The following RBFOX1 variants were observed in gnomAD, a reference collection of about 807,000 sequenced individuals.
RBFOX1 encodes RNA binding fox-1 homolog 1.
Under a neutral mutation model 57.7 loss-of-function variants are expected in RBFOX1, and 8 were observed. That is an observed-to-expected ratio of 0.14 (90% confidence interval 0.08 to 0.25). The LOEUF (loss-of-function observed/expected upper bound fraction) is 0.25, where lower values mean the gene tolerates loss of function less well. RBFOX1 is among the 10% of genes least tolerant of loss of function. The pLI is 1.00. For missense variants in RBFOX1, 611 were observed against 548.5 expected (o/e 1.11, Z -1.14); for synonymous variants, 326 against 222.4 (o/e 1.47, Z -4.15).
intron 2 of RBFOX1, among the ~76,000 whole-genome samples, chr16:5,551,497 T>C (rs1044722681): frequency 6.6e-6 from 1 of 152,132 alleles, no homozygotes; most frequent in Non-Finnish European, 1.5e-5. Context: ...CTTAGGTTAT[T>C]TAGGAATAGA....
chr16:7,103,265 A>T (rs1019240166), intron 4 of RBFOX1, among the ~76,000 whole-genome samples: 1 of 152,158 alleles, frequency 6.6e-6, no homozygotes, highest in African/African-American at 2.4e-5. Context: ...CCAGAACTTT[A>T]ACTGTTTTGA....
intron 3 of RBFOX1, among the ~76,000 whole-genome samples, chr16:6,872,028 T>C (rs1418216813): frequency 2.0e-5 from 3 of 151,016 alleles, no homozygotes; most frequent in Non-Finnish European, 2.9e-5. Flanking sequence ...TTCATTATGA[T>C]TGTGTGTAGG....
chr16:7,260,453 G>A (rs944407705), intron 4 of RBFOX1, among the ~76,000 whole-genome samples: 3 of 152,046 alleles, frequency 2.0e-5, no homozygotes, highest in African/African-American at 7.3e-5. Context: ...TTTGTTCTGG[G>A]TGCTAAGGCA....
chr16:5,445,742 T>C (rs988825135), intron 1 of RBFOX1, among the ~76,000 whole-genome samples: 2 of 152,360 alleles, frequency 1.3e-5, no homozygotes, highest in Non-Finnish European at 2.9e-5. Flanking sequence ...TTCATTTAAC[T>C]CAGCTAATTT....
intron 1 of RBFOX1, among the ~76,000 whole-genome samples, chr16:5,369,426 C>T (rs2065805187): frequency 6.6e-6 from 1 of 152,246 alleles, no homozygotes; most frequent in African/African-American, 2.4e-5. Flanking sequence ...AGTCGTCTCC[C>T]AGTCACTGGC....
rs151177772 is a variant in RBFOX1, at chr16:6,824,983, G to GTTTTTTTTTTTTTTTTTT, written c.-16+170347_-16+170364dup. Among the ~76,000 whole-genome samples the GTTTTTTTTTTTTTTTTTT allele has an allele frequency of 2.5e-3, 92 of 36,912 alleles. 24 individuals are homozygous for GTTTTTTTTTTTTTTTTTT. The highest frequency in any genetic ancestry group is 4.7e-3 in the South Asian group (3 of 642). 24.2% of individuals were successfully genotyped at this position (36,912 alleles called of 152,430 possible). On this transcript the variant is annotated intron_variant, in intron 3 of 15. Transcript: ENST00000550418. The stretch of plus-strand genomic sequence containing the variant: ...GGATTTCTTTTTTCTTTCTTTCTTG[G>GTTTTTTTTTTTTTTTTTT]TTTTTTTTTTTTTTTTTTTTTTTTT...
rs570104170 is a variant in RBFOX1, at chr16:5,470,879, T to G, written c.258+3625T>G. On this transcript the variant is annotated intron_variant, in intron 2 of 2. Coordinates refer to the RBFOX1 transcript ENST00000585867. ...ATTATTATTATTTCTGAGACGGAGT[T>G]TCGCTCTCGTCACCCAGGCTGGAGT... 5.3e-5 allele frequency among the ~76,000 whole-genome samples: 8 copies of G among 152,214 alleles called. No homozygotes were observed. In the East Asian group the frequency reaches 1.5e-3, roughly 29 times the overall value.
chr16:6,714,403 A>G (rs1339243644), intron 3 of RBFOX1, among the ~76,000 whole-genome samples: 1 of 152,074 alleles, frequency 6.6e-6, no homozygotes, highest in South Asian at 2.1e-4. Context: ...CCACCTGCAG[A>G]ATTTATTTTG....
At chr16:7,103,885 C>T (rs1347638089) in intron 4 of RBFOX1, among the ~76,000 whole-genome samples, 1 of 152,148 alleles carries the variant, frequency 6.6e-6, no homozygotes, top group African/African-American at 2.4e-5. Flanking sequence ...AAAGAACACA[C>T]AAACAGATGT....
At chr16:5,389,732 C>G (rs535020990) in intron 1 of RBFOX1, among the ~76,000 whole-genome samples, 1 of 151,972 alleles carries the variant, frequency 6.6e-6, no homozygotes, top group Admixed American at 6.6e-5. Context: ...GAGTCTCTCA[C>G]TGTTGCCCAG....
chr16:5,737,525 T>G (rs1413277746), intron 3 of RBFOX1, among the ~76,000 whole-genome samples: 179 of 43,400 alleles, frequency 4.1e-3, no homozygotes, highest in African/African-American at 0.016. Context: ...ATATTCTGGA[T>G]TTTTTTTTTT....
intron 2 of RBFOX1, among the ~76,000 whole-genome samples, chr16:6,581,356 A>G (rs1332334470): frequency 6.6e-6 from 1 of 151,918 alleles, no homozygotes; most frequent in Non-Finnish European, 1.5e-5. Context: ...TTTGTTGGAG[A>G]TGGTGGTTAT....
At chr16:6,873,713 C>T (rs181046502) in intron 3 of RBFOX1, among the ~76,000 whole-genome samples, 2 of 152,284 alleles carry the variant, frequency 1.3e-5, no homozygotes, top group East Asian at 3.9e-4. Context: ...CTGTCACTAT[C>T]ATCCTCTCAT....
chr16:6,145,193 C>G (rs2096748528), intron 1 of RBFOX1, among the ~76,000 whole-genome samples: 1 of 152,112 alleles, frequency 6.6e-6, no homozygotes, highest in African/African-American at 2.4e-5. Context: ...TTCCCACCCT[C>G]CACCCTAGGA....
chr16:7,304,371 G>A (rs1414315238), intron 4 of RBFOX1: 1 of 985,358 alleles, frequency 1.0e-6, no homozygotes, highest in Non-Finnish European at 1.2e-6. Context: ...GGCTCGGCGG[G>A]CGCCAGAGAG....
chr16:7,678,030 C>A (rs953309300), intron 14 of RBFOX1, among the ~76,000 whole-genome samples: 1 of 152,152 alleles, frequency 6.6e-6, no homozygotes, highest in African/African-American at 2.4e-5. Flanking sequence ...TCCCTGAATC[C>A]TAAAAGCTGC....
chr16:6,888,155 T>C (rs1332733557), intron 3 of RBFOX1, among the ~76,000 whole-genome samples: 10 of 152,170 alleles, frequency 6.6e-5, no homozygotes, highest in Admixed American at 3.9e-4. Flanking sequence ...TTAAGAACAG[T>C]AGGCAGTAGT....
At chr16:7,610,196 T>G (rs2057204676) in intron 10 of RBFOX1, among the ~76,000 whole-genome samples, 1 of 144,354 alleles carries the variant, frequency 6.9e-6, no homozygotes, top group Non-Finnish European at 1.5e-5. Context: ...CTCGACTCTC[T>G]GCAACCTCCG....
At chr16:5,945,832 C>G (rs1272493435) in intron 4 of RBFOX1, among the ~76,000 whole-genome samples, 1 of 152,178 alleles carries the variant, frequency 6.6e-6, no homozygotes, top group African/African-American at 2.4e-5. Flanking sequence ...CATCCTTCCT[C>G]CCTAGTGTGT....
Sources: allele counts gnomAD v4.1 joint callset (sites outside exome capture counted in the v4.1 genomes callset), GRCh38; gene constraint gnomAD v4.1.1; transcripts MANE v1.5; gene names NCBI Gene and HGNC (gene_info 2026-07-23, HGNC 2026-07-21).